GPHN: variants seen among roughly 807,000 people sequenced by gnomAD.
The protein encoded by GPHN is gephyrin.
In GPHN, 17 loss-of-function variants were observed where a neutral mutation model predicts 95.5. That is an observed-to-expected ratio of 0.18 (90% CI 0.12 to 0.27). The LOEUF is 0.27. GPHN is among the 10% of genes least tolerant of loss of function. The pLI, the probability that GPHN is intolerant of heterozygous loss-of-function variation, is 1.00. For missense variants in GPHN, 660 were observed against 978.1 expected, an observed-to-expected ratio of 0.67 and a Z score of 4.34; for synonymous variants, 320 against 322.5, an observed-to-expected ratio of 0.99 and a Z score of 0.08.
intron 10 of GPHN, among the ~76,000 whole-genome samples, chr14:67,052,356 C>CAAAAAAAAAAAA (rs2075346245): frequency 6.8e-6 from 1 of 147,642 alleles, no homozygotes; most frequent in Non-Finnish European, 1.5e-5. Flanking sequence ...AAAAAAAGAT[C>CAAAAAAAAAAAA]AAAAAAGACA....
At chr14:67,296,181 A>T in the GPHN span, among the ~76,000 whole-genome samples, 1 of 152,172 alleles carries the variant, frequency 6.6e-6, no homozygotes, top group Non-Finnish European at 1.5e-5. Flanking sequence ...GTGACTGAGA[A>T]TATACCAGGA....
At position 66,549,085 on chromosome 14, in the gene GPHN, T is replaced by G. The variant is rs570839566; in HGVS notation, c.64+40494T>G. On this transcript the variant is annotated intron_variant, in intron 1 of 22. Transcript: ENST00000478722. ...TATATGTATTATGTGTTAATTTATA[T>G]ATAAATAAAAGTTATCATATACTTC... is the stretch of plus-strand genomic sequence containing the variant. Among the ~76,000 whole-genome samples the G allele has an allele frequency of 1.2e-4, 19 of 152,194 alleles. 1 individual carries two copies. The highest frequency in any genetic ancestry group is 1.5e-4 in the Non-Finnish European group (10 of 68,034).
chr14:67,254,182 C>CTTTT, the GPHN span: 18 of 118,446 alleles, frequency 1.5e-4, no homozygotes, highest in East Asian at 2.4e-4. Flanking sequence ...AAGTGTCTTT[C>CTTTT]TTTTTTTTTT....
chr14:67,704,105 C>T, the GPHN span, among the ~76,000 whole-genome samples: 3 of 151,936 alleles, frequency 2.0e-5, no homozygotes, highest in East Asian at 5.8e-4. Flanking sequence ...TTGTTTGTTC[C>T]CCTTGTTTTA....
At chr14:67,084,384 G>C (rs866818875) in intron 11 of GPHN, among the ~76,000 whole-genome samples, 1 of 151,880 alleles carries the variant, frequency 6.6e-6, no homozygotes, top group African/African-American at 2.4e-5. Context: ...TGTCTAAAAC[G>C]CCCCCCTCTC....
rs528807652 is a variant in GPHN, at chr14:66,952,976, G to A, written c.829-12215G>A. ...CCTAAAGTGCTGGGATTACAGGTGT[G>A]AGCCACTGCACCGGGCCTTCTTTTT... On this transcript the variant is annotated intron_variant, in intron 8 of 22. Coordinates refer to ENST00000478722, the MANE Select transcript of GPHN (RefSeq NM_020806.5). 2.0e-5 allele frequency among the ~76,000 whole-genome samples: 3 copies of A among 151,644 alleles called. No homozygotes were observed. In the South Asian group the frequency reaches 6.3e-4, roughly 32 times the overall value.
At chr14:66,588,651 A>G (rs2061517809) in intron 1 of GPHN, among the ~76,000 whole-genome samples, 1 of 152,142 alleles carries the variant, frequency 6.6e-6, no homozygotes, top group African/African-American at 2.4e-5. Context: ...TTGAAGATCA[A>G]CTTAATGAAA....
the GPHN span, among the ~76,000 whole-genome samples, chr14:67,507,032 C>T: frequency 2.0e-5 from 3 of 151,986 alleles, no homozygotes; most frequent in Non-Finnish European, 2.9e-5. Flanking sequence ...TCAAAGGGAA[C>T]TGAAGATAGC....
chr14:67,171,739 G>A (rs1301320843), intron 21 of GPHN, among the ~76,000 whole-genome samples: 1 of 152,124 alleles, frequency 6.6e-6, no homozygotes, highest in Non-Finnish European at 1.5e-5. Flanking sequence ...GAGTGTATCC[G>A]TGGAGTAACA....
At chr14:67,103,702 A>G (rs565982451) in intron 13 of GPHN, among the ~76,000 whole-genome samples, 2 of 150,956 alleles carry the variant, frequency 1.3e-5, no homozygotes, top group East Asian at 1.9e-4. Context: ...TAGAAATGCT[A>G]TTCATTTTTG....
At chr14:67,236,705 A>G in the GPHN span, among the ~76,000 whole-genome samples, 3 of 152,212 alleles carry the variant, frequency 2.0e-5, no homozygotes, top group African/African-American at 7.2e-5. Flanking sequence ...CTCCTATAAA[A>G]CATCTAAATA....
At chr14:66,880,648 A>G (rs1465224942) in intron 5 of GPHN, among the ~76,000 whole-genome samples, 1 of 151,982 alleles carries the variant, frequency 6.6e-6, no homozygotes, top group East Asian at 1.9e-4. Context: ...GAAAAAAAAG[A>G]AGCTCAATTC....
chr14:67,578,226 G>A, the GPHN span: 10 of 1,604,726 alleles, frequency 6.2e-6, no homozygotes, highest in Non-Finnish European at 8.5e-6. The surrounding 1 kb of genome is among the most constrained non-coding windows in gnomAD (Gnocchi z 5.0). Context: ...TGGAGCAGCT[G>A]ACAGAAGCCA....
chr14:67,659,199 A>C, the GPHN span, among the ~76,000 whole-genome samples: 1 of 152,246 alleles, frequency 6.6e-6, no homozygotes, highest in South Asian at 2.1e-4. Flanking sequence ...AATGATAAAA[A>C]GCTCCTTCTC....
chr14:67,582,100 A>T, the GPHN span: 1 of 1,612,486 alleles, frequency 6.2e-7, no homozygotes, highest in Non-Finnish European at 8.5e-7. The surrounding 1 kb of genome is among the most constrained non-coding windows in gnomAD (Gnocchi z 5.0). Context: ...CAAAGGGGAG[A>T]CGGACCGAGA....
At chr14:67,169,097 T>A in intron 21 of GPHN, 61 bp downstream of exon 21, 2 of 968,350 alleles carry the variant, frequency 2.1e-6, no homozygotes, top group Non-Finnish European at 3.4e-6. Context: ...GGGATATGAT[T>A]TCCTAACTGT....
chr14:67,561,809 G>A, the GPHN span: 1 of 647,766 alleles, frequency 1.5e-6, no homozygotes, highest in Non-Finnish European at 2.7e-6. Context: ...GGTCAAGGCT[G>A]CAGTGAGCCA....
the GPHN span, among the ~76,000 whole-genome samples, chr14:67,377,691 C>T: frequency 6.6e-6 from 1 of 152,156 alleles, no homozygotes; most frequent in African/African-American, 2.4e-5. Context: ...TCACCTTTCC[C>T]TTTATTGCTT....
the GPHN span, chr14:67,473,194 G>A: frequency 1.7e-6 from 1 of 594,932 alleles, no homozygotes; most frequent in South Asian, 2.0e-5. This position sits in a 1 kb window ranked among gnomAD's most constrained non-coding sequence, Gnocchi z 6.5. Context: ...GCGATCCATG[G>A]ACCCTTCCCA....
Sources: allele counts gnomAD v4.1 joint callset (sites outside exome capture counted in the v4.1 genomes callset), GRCh38; gene constraint gnomAD v4.1.1; non-coding constraint Gnocchi (gnomAD v3.1); transcripts MANE v1.5; gene names NCBI Gene and HGNC (gene_info 2026-07-23, HGNC 2026-07-21).